The following PACRGL variants were observed in gnomAD, a reference collection of about 807,000 sequenced individuals.
PACRGL encodes parkin coregulated like.
PACRGL carries 38 observed loss-of-function variants against 34.5 expected under a neutral mutation model. That is an observed-to-expected ratio of 1.10 (90% CI 0.85 to 1.44). The LOEUF (loss-of-function observed/expected upper bound fraction) is 1.44, where lower values mean the gene tolerates loss of function less well. Ranked by LOEUF, PACRGL falls within the 40% of genes most tolerant of loss-of-function variation. PACRGL has a pLI of 0.00. For missense variants in PACRGL, 305 were observed against 281.4 expected (o/e 1.08, Z -0.60); for synonymous variants, 128 against 100.1 (o/e 1.28, Z -1.66).
intron 7 of PACRGL, 86 bp from the exon 8 acceptor site, chr4:20,724,722 G>T: frequency 1.6e-6 from 1 of 606,422 alleles, no homozygotes; most frequent in Non-Finnish European, 2.5e-6. Flanking sequence ...CTAAAACAAG[G>T]GGTGCTCCTG....
chr4:20,707,379 T>G (rs2149065670), intron 3 of PACRGL, among the ~76,000 whole-genome samples: 1 of 152,336 alleles, frequency 6.6e-6, no homozygotes, highest in Non-Finnish European at 1.5e-5. Context: ...ATCCTTTGTT[T>G]TTTATAGAAG....
At chr4:20,756,086 G>A (rs1167787510), downstream of PACRGL, among the ~76,000 whole-genome samples, 1 of 151,876 alleles carries the variant, frequency 6.6e-6, no homozygotes, top group East Asian at 1.9e-4. Context: ...TTAGGGGAGG[G>A]GTCATCAGAA....
rs1270255652 is a variant in PACRGL, at chr4:20,729,220, C to CATTACTAT, written c.*1882_*1889dup. ...GCTGTTAGGATTACTTGTTATTAAGCATTACTATATACTGGAGGATAGATA... is the reference window on the plus strand; with the variant it reads ...GCTGTTAGGATTACTTGTTATTAAGCATTACTATATTACTATATACTGGAGGATAGATA... On this transcript the variant is annotated 3_prime_UTR_variant, in exon 9 of 9. Transcript: ENST00000503585. 1 of 151,628 alleles carries CATTACTAT rather than the reference C, an allele frequency of 6.6e-6. No individual in the cohort carries two copies. The highest frequency in any genetic ancestry group is 1.5e-5 in the Non-Finnish European group (1 of 67,920). The allele number at this position is 151,628 out of a possible 1,614,324, so 9.4% of individuals were successfully genotyped here.
chr4:20,707,756 G>T, intron 3 of PACRGL, 47 bp from the exon 4 acceptor site: 1 of 1,524,290 alleles, frequency 6.6e-7, no homozygotes, highest in South Asian at 1.1e-5. Context: ...GTGTGCTTCT[G>T]ACCTCAGAAG....
chr4:20,724,150 T>C (rs913934502), intron 7 of PACRGL, among the ~76,000 whole-genome samples: 1 of 152,164 alleles, frequency 6.6e-6, no homozygotes, highest in Non-Finnish European at 1.5e-5. Context: ...TATGGGACTT[T>C]AAAGAGGGAA....
the PACRGL span, chr4:20,759,006 T>C: frequency 1.4e-6 from 1 of 720,064 alleles, no homozygotes; most frequent in Non-Finnish European, 2.4e-6. Context: ...AAATTAACCA[T>C]TCATCCATTA....
chr4:20,729,220 C>CATTACTA lies in PACRGL; in HGVS notation c.*1880_*1886dup, dbSNP rs1747071159. ...GCTGTTAGGATTACTTGTTATTAAG[C>CATTACTA]ATTACTATATACTGGAGGATAGATA... On this transcript the variant is annotated 3_prime_UTR_variant, in exon 9 of 9. Transcript: ENST00000503585. The CATTACTA allele has an allele frequency of 1.3e-5, 2 of 151,628 alleles. No homozygotes were observed. The highest frequency in any genetic ancestry group is 2.9e-5 in the Non-Finnish European group (2 of 67,920). 9.4% of individuals were successfully genotyped at this position (151,628 alleles called of 1,614,324 possible).
chr4:20,755,188 A>G (rs529621777), downstream of PACRGL, among the ~76,000 whole-genome samples: 5 of 152,308 alleles, frequency 3.3e-5, no homozygotes, highest in East Asian at 7.7e-4. Flanking sequence ...AATTCACTTA[A>G]TAACAGTCTT....
At chr4:20,748,215 C>A (rs1752782008) in intron 8 of PACRGL, among the ~76,000 whole-genome samples, 1 of 152,124 alleles carries the variant, frequency 6.6e-6, no homozygotes, top group Non-Finnish European at 1.5e-5. Context: ...CCTTCCCCAA[C>A]CTTCGCTCTT....
At chr4:20,752,035 A>G (rs906900962) in intron 8 of PACRGL, among the ~76,000 whole-genome samples, 1 of 149,322 alleles carries the variant, frequency 6.7e-6, no homozygotes, top group Non-Finnish European at 1.5e-5. Context: ...TGATAACAAT[A>G]TCAGTATGTA....
chr4:20,734,081 G>A (rs143633643), downstream of PACRGL, among the ~76,000 whole-genome samples: 13 of 152,260 alleles, frequency 8.5e-5, no homozygotes, highest in Admixed American at 4.6e-4. Flanking sequence ...CCTGTCCTGC[G>A]TGGTTAACTT....
rs1167615008 is a variant in PACRGL, at chr4:20,728,835, C to G, written c.*1494C>G. 6.6e-6 allele frequency: 1 copy of G among 152,506 alleles called. No homozygotes were observed. The highest frequency in any genetic ancestry group is 1.5e-5 in the Non-Finnish European group (1 of 68,018). The allele number at this position is 152,506 out of a possible 1,614,324, so 9.4% of individuals were successfully genotyped here. On this transcript the variant is annotated 3_prime_UTR_variant, in exon 9 of 9. Transcript: ENST00000503585. Reference sequence around the variant, plus strand: ...GTTGCAAATTTCCTCCTTCTGTAGCCTCTTGGTCTTTGTGATATTTCTACA... The same window carrying G: ...GTTGCAAATTTCCTCCTTCTGTAGCGTCTTGGTCTTTGTGATATTTCTACA...
intron 1 of PACRGL, among the ~76,000 whole-genome samples, chr4:20,703,951 A>G (rs994805155): frequency 2.6e-5 from 4 of 152,198 alleles, no homozygotes; most frequent in Non-Finnish European, 5.9e-5. Context: ...CAAGGGGTTC[A>G]TAATAACTTC....
chr4:20,748,267 G>A (rs1187434740), intron 8 of PACRGL, among the ~76,000 whole-genome samples: 1 of 151,876 alleles, frequency 6.6e-6, no homozygotes, highest in Non-Finnish European at 1.5e-5. Flanking sequence ...TGATTTACAC[G>A]TTTCCCTTGG....
intron 7 of PACRGL, among the ~76,000 whole-genome samples, chr4:20,718,366 T>A (rs1193025554): frequency 6.6e-6 from 1 of 152,194 alleles, no homozygotes; most frequent in Non-Finnish European, 1.5e-5. Flanking sequence ...TCCAACACTA[T>A]GTTGAATAGG....
intron 5 of PACRGL, among the ~76,000 whole-genome samples, chr4:20,711,366 TTTACTAACAGATAAG>T (rs1402633854): frequency 3.9e-5 from 6 of 152,186 alleles, no homozygotes; most frequent in African/African-American, 1.4e-4. Flanking sequence ...CCTGGCCTCA[TTTACTAACAGATAAG>T]TAGTGACAGA....
At chr4:20,708,640 A>G (rs993165786) in intron 4 of PACRGL, among the ~76,000 whole-genome samples, 33 of 152,116 alleles carry the variant, frequency 2.2e-4, no homozygotes, top group Non-Finnish European at 8.8e-5. Context: ...GCAAAAATGT[A>G]AAAACAATAT....
rs1733650395 is a variant in PACRGL at position 20,704,488 on chromosome 4, A to G, written c.7A>G (p.Lys3Glu). 4 of 1,613,840 alleles carry G rather than the reference A, an allele frequency of 2.5e-6. No individual in the cohort carries two copies. The highest frequency in any genetic ancestry group is 1.7e-6 in the Non-Finnish European group (2 of 1,179,962). MQ[K>E]SEGSGGTQLK... is the part of the protein sequence containing the mutation. Reference sequence around the variant, plus strand: ...CAGGAGTGAAAGGGAAGCAATGCAGAAATCAGAGGGCTCTGGAGGTACACA... The same window carrying G: ...CAGGAGTGAAAGGGAAGCAATGCAGGAATCAGAGGGCTCTGGAGGTACACA... Residue 3 changes from lysine (K) to glutamate (E), a missense_variant, in exon 2 of 9, where the codon AAA becomes GAA. Physicochemically the swap from Lys to Glu is moderately conservative, Grantham distance 56. Transcript: ENST00000503585.
chr4:20,738,458 A>C (rs1449648237), intron 8 of PACRGL, among the ~76,000 whole-genome samples: 1 of 152,204 alleles, frequency 6.6e-6, no homozygotes, highest in Non-Finnish European at 1.5e-5. Flanking sequence ...GTGGGACCCC[A>C]AAATTTACAT....
Sources: allele counts gnomAD v4.1 joint callset (sites outside exome capture counted in the v4.1 genomes callset), GRCh38; gene constraint gnomAD v4.1.1; transcripts MANE v1.5; gene names NCBI Gene and HGNC (gene_info 2026-07-23, HGNC 2026-07-21).